Variants in ANKRD33B observed in about 807,000 individuals in gnomAD.
ANKRD33B encodes ankyrin repeat domain-containing protein 33B.
A neutral mutation model predicts 21.5 loss-of-function variants in ANKRD33B; 6 were observed. That is an observed-to-expected ratio of 0.28 (90% CI 0.15 to 0.55). The LOEUF is 0.55. Ranked by LOEUF, ANKRD33B falls within the 20% of genes least tolerant of loss-of-function variation. The pLI, the probability that ANKRD33B is intolerant of heterozygous loss-of-function variation, is 0.94. For missense variants in ANKRD33B, 698 were observed against 747.2 expected (o/e 0.93, Z 0.77); for synonymous variants, 347 against 342.4 (o/e 1.01, Z -0.15).
intron 3 of ANKRD33B, among the ~76,000 whole-genome samples, chr5:10,641,233 T>C (rs111704824): frequency 1.4e-5 from 2 of 138,784 alleles, no homozygotes; most frequent in Non-Finnish European, 3.1e-5. Flanking sequence ...TTCTTTTTTT[T>C]TTTTTTTTTT....
chr5:10,646,800 A>G (rs1737197466), intron 3 of ANKRD33B, among the ~76,000 whole-genome samples: 1 of 152,202 alleles, frequency 6.6e-6, no homozygotes, highest in Non-Finnish European at 1.5e-5. Flanking sequence ...CTCTTCTAAT[A>G]TGGCTATTCT....
At chr5:10,592,240 T>C (rs1213337389) in intron 1 of ANKRD33B, among the ~76,000 whole-genome samples, 1 of 152,026 alleles carries the variant, frequency 6.6e-6, no homozygotes, top group Non-Finnish European at 1.5e-5. Flanking sequence ...CACCAATTTG[T>C]GGGAAAACTT....
In ANKRD33B at chr5:10,652,924, G is replaced by A; in HGVS notation, c.*2811G>A. The A allele has an allele frequency of 5.1e-6, 1 of 197,268 alleles. No homozygotes were observed. The highest frequency in any genetic ancestry group is 1.1e-5 in the Non-Finnish European group (1 of 89,290). The allele number at this position is 197,268 out of a possible 1,614,324, so 12.2% of individuals were successfully genotyped here. A position where few individuals can be genotyped will look rare whatever the true frequency, so the allele number is the denominator to read the frequency against. On this transcript the variant is annotated 3_prime_UTR_variant, in exon 4 of 4. Transcript: ENST00000296657. The surrounding 1 kb of genome is among the most constrained non-coding windows in gnomAD (Gnocchi z 4.1). ...ACGGATTTCTTTGGCAAATCTGCAGGCGAGCTGACCACTTGCCTGGTGAGT... is the reference window on the plus strand; with the variant it reads ...ACGGATTTCTTTGGCAAATCTGCAGACGAGCTGACCACTTGCCTGGTGAGT...
chr5:10,620,447 C>T (rs1251021467), intron 2 of ANKRD33B, among the ~76,000 whole-genome samples: 1 of 152,068 alleles, frequency 6.6e-6, no homozygotes, highest in Non-Finnish European at 1.5e-5. Flanking sequence ...AAAATCTGGT[C>T]CCTGCTAGAA....
rs908295284 is a variant in ANKRD33B, at chr5:10,650,779, T to C, written c.*666T>C. The C allele has an allele frequency of 1.3e-5, 2 of 152,522 alleles. No homozygotes were observed. The highest frequency in any genetic ancestry group is 4.8e-5 in the African/African-American group (2 of 41,594). 9.4% of individuals were successfully genotyped at this position (152,522 alleles called of 1,614,324 possible). A position where few individuals can be genotyped will look rare whatever the true frequency, so the allele number is the denominator to read the frequency against. On this transcript the variant is annotated 3_prime_UTR_variant, in exon 4 of 4. Coordinates refer to ENST00000296657, the MANE Select transcript of ANKRD33B (RefSeq NM_001164440.2). ...TGTTACTGTATCTTTTTAAAACTCTTATCCATATAGTAATATATTGAGGAA... is the reference window on the plus strand; with the variant it reads ...TGTTACTGTATCTTTTTAAAACTCTCATCCATATAGTAATATATTGAGGAA...
chr5:10,574,217 A>G (rs1006822234), intron 1 of ANKRD33B, among the ~76,000 whole-genome samples: 2 of 152,258 alleles, frequency 1.3e-5, no homozygotes, highest in African/African-American at 4.8e-5. Context: ...TAACTTTTCT[A>G]CATATTTCTT....
intron 1 of ANKRD33B, among the ~76,000 whole-genome samples, chr5:10,606,464 A>G (rs1028116503): frequency 6.6e-6 from 1 of 152,182 alleles, no homozygotes; most frequent in Admixed American, 6.5e-5. Flanking sequence ...GGCCTGGCAC[A>G]GTAGCTCACG....
rs1226802406 is a variant in ANKRD33B, at chr5:10,650,093, C to T, written c.1465C>T (p.Pro489Ser). Residue 489 changes from proline to serine, a missense_variant, in exon 4 of 4, where the codon CCC becomes TCC. By Grantham distance (74) the Pro-to-Ser change is moderately conservative. Around this residue, in one of 3 missense-constraint regions of ANKRD33B, gnomAD observed 543 missense variants for 566.5 expected, o/e 0.96. Transcript: ENST00000296657. ...AEAQKERRTA[P>S]WKKRT ...GGCGCAGAAGGAGAGGCGCACTGCGCCCTGGAAGAAGAGGACGTGAGGGCC... is the reference window on the plus strand; with the variant it reads ...GGCGCAGAAGGAGAGGCGCACTGCGTCCTGGAAGAAGAGGACGTGAGGGCC... The T allele has an allele frequency of 5.9e-6, 9 of 1,525,542 alleles. No homozygotes were observed. The East Asian group carries it at 1.5e-4, about 25-fold the overall frequency. 94.5% of individuals were successfully genotyped at this position (1,525,542 alleles called of 1,614,324 possible).
intron 1 of ANKRD33B, among the ~76,000 whole-genome samples, chr5:10,597,141 G>T (rs1000581244): frequency 6.6e-6 from 1 of 152,148 alleles, no homozygotes; most frequent in Admixed American, 6.6e-5. Flanking sequence ...AAACAACTCT[G>T]CAAATAACCA....
chr5:10,638,252 A>T (rs6889196), intron 3 of ANKRD33B, 84 bp downstream of exon 3: 28 of 1,436,764 alleles, frequency 1.9e-5, no homozygotes, highest in Non-Finnish European at 2.3e-5. Flanking sequence ...GAGATTAATC[A>T]CTCCCATAGA....
intron 2 of ANKRD33B, among the ~76,000 whole-genome samples, chr5:10,630,198 G>A (rs555055721): frequency 2.6e-5 from 4 of 152,322 alleles, no homozygotes; most frequent in African/African-American, 7.2e-5. Context: ...CTGTGGATGG[G>A]CTGGGGATCT....
Position 10,649,789 on chromosome 5 carries a change from C to G in ANKRD33B, c.1161C>G (p.Leu387=). Residue 387 remains leucine, a synonymous_variant, in exon 4 of 4, where the codon CTC becomes CTG. Transcript: ENST00000296657. ...DSREGSPRAG[L]PPALGSRGPA... ...GGGAGGGCTCCCCGAGAGCCGGCCT[C>G]CCTCCCGCCCTGGGGTCCCGGGGCC... 1 of 1,397,262 alleles carries G rather than the reference C, an allele frequency of 7.2e-7. No individual in the cohort carries two copies. The highest frequency in any genetic ancestry group is 9.2e-7 in the Non-Finnish European group (1 of 1,082,134). The allele number at this position is 1,397,262 out of a possible 1,614,324, so 86.6% of individuals were successfully genotyped here.
chr5:10,583,989 T>C (rs535805203), intron 1 of ANKRD33B, among the ~76,000 whole-genome samples: 1 of 152,098 alleles, frequency 6.6e-6, no homozygotes, highest in Non-Finnish European at 1.5e-5. Flanking sequence ...TCACAGTCGG[T>C]CTTTCGAGGA....
At chr5:10,620,120 G>C (rs1736386548) in intron 2 of ANKRD33B, among the ~76,000 whole-genome samples, 1 of 152,122 alleles carries the variant, frequency 6.6e-6, no homozygotes, top group Non-Finnish European at 1.5e-5. Flanking sequence ...TCAGTAGCGT[G>C]AGGCTGCGTG....
At chr5:10,573,462 C>T (rs928946768) in intron 1 of ANKRD33B, among the ~76,000 whole-genome samples, 8 of 128,616 alleles carry the variant, frequency 6.2e-5, no homozygotes, top group Admixed American at 1.7e-4. Flanking sequence ...AGCGAGACTC[C>T]GTCTCAAAAA....
intron 3 of ANKRD33B, among the ~76,000 whole-genome samples, chr5:10,638,964 A>C (rs146234012): frequency 5.7e-5 from 3 of 52,698 alleles, no homozygotes; most frequent in Admixed American, 3.7e-4. Flanking sequence ...GCGGAGTTGC[A>C]CGGCGATGTT....
intron 1 of ANKRD33B, among the ~76,000 whole-genome samples, chr5:10,614,021 G>GTGTGTGTT (rs1268560717): frequency 6.6e-6 from 1 of 151,508 alleles, no homozygotes; most frequent in Admixed American, 6.6e-5. Flanking sequence ...GTGTGTGTGT[G>GTGTGTGTT]TGTGTATAAA....
Position 10,649,966 on chromosome 5 carries a change from C to T in ANKRD33B, c.1338C>T (p.Ser446=), listed in dbSNP as rs2126611816. The T allele has an allele frequency of 6.5e-7, 1 of 1,533,090 alleles. No homozygotes were observed. Among genetic ancestry groups the T allele is most frequent in the Non-Finnish European group, 8.7e-7 (1 of 1,144,800 alleles). The allele number at this position is 1,533,090 out of a possible 1,614,324, so 95.0% of individuals were successfully genotyped here. The stretch of plus-strand genomic sequence containing the variant: ...CCGAGCGGCCGGCGCGGAAGGGCAG[C>T]ACCAAGGACAGCGGCCACCTGCAGA... ...FQPERPARKG[S]TKDSGHLQIP... The change falls in exon 4 of 4, where the codon AGC becomes AGT. Residue 446 remains serine, a synonymous_variant. Transcript: ENST00000296657.
intron 2 of ANKRD33B, among the ~76,000 whole-genome samples, chr5:10,623,268 G>A (rs1579741830): frequency 6.6e-6 from 1 of 152,130 alleles, no homozygotes; most frequent in Non-Finnish European, 1.5e-5. Context: ...GGGCATTGCC[G>A]GAATTTTGCA....
Sources: allele counts gnomAD v4.1 joint callset (sites outside exome capture counted in the v4.1 genomes callset), GRCh38; gene constraint gnomAD v4.1.1; regional missense constraint gnomAD v4.1.1; non-coding constraint Gnocchi (gnomAD v3.1); transcripts MANE v1.5; gene names NCBI Gene and HGNC (gene_info 2026-07-23, HGNC 2026-07-21).